The following MYO1D variants were observed in gnomAD, a reference collection of about 807,000 sequenced individuals.
MYO1D encodes unconventional myosin-Id.
A neutral mutation model predicts 122.0 loss-of-function variants in MYO1D; 83 were observed. That is an observed-to-expected ratio of 0.68 (90% CI 0.57 to 0.82). The LOEUF is 0.82. Ranked by LOEUF, MYO1D falls within the 40% of genes least tolerant of loss-of-function variation. The pLI is 0.00. For missense variants in MYO1D, 1,157 were observed against 1,269.5 expected (o/e 0.91, Z 1.35); for synonymous variants, 464 against 446.9 (o/e 1.04, Z -0.48).
At chr17:32,726,572 ATATATAT>A (rs2089576282) in intron 14 of MYO1D, among the ~76,000 whole-genome samples, 1 of 150,238 alleles carries the variant, frequency 6.7e-6, no homozygotes, top group African/African-American at 2.4e-5. Flanking sequence ...ATCTAAATAG[ATATATAT>A]TATATCTATA....
intron 1 of MYO1D, among the ~76,000 whole-genome samples, chr17:32,851,168 T>C (rs1412559009): frequency 3.3e-5 from 5 of 152,204 alleles, no homozygotes; most frequent in Non-Finnish European, 7.3e-5. Flanking sequence ...CTCAAGTCGA[T>C]GTTTCTACCA....
chr17:32,510,218 C>A (rs1473339567), intron 21 of MYO1D: 6 of 152,226 alleles, frequency 3.9e-5, no homozygotes, highest in African/African-American at 1.4e-4. Flanking sequence ...AAATGCTGTT[C>A]TAGCTCTTGC....
At chr17:32,547,615 T>C (rs2086975265) in intron 21 of MYO1D, among the ~76,000 whole-genome samples, 1 of 152,332 alleles carries the variant, frequency 6.6e-6, no homozygotes, top group Admixed American at 6.5e-5. Flanking sequence ...TCCCAAGTGA[T>C]TGTCTGATCT....
rs77160064 is a variant in MYO1D at position 32,628,167 on chromosome 17, G to A, written c.2709+10555C>T. On this transcript the variant is annotated intron_variant, in intron 20 of 21. Transcript: ENST00000318217. ...TTCAAATTCTGACCCTACTGTCCCT[G>A]TAAAAATTTTAACCTTTGTTAACAA... Among the ~76,000 whole-genome samples, 160 of 152,228 alleles carry A rather than the reference G, an allele frequency of 1.1e-3. 3 individuals are homozygous for A. The East Asian group carries it at 0.026, about 25-fold the overall frequency.
intron 16 of MYO1D, among the ~76,000 whole-genome samples, chr17:32,673,788 C>G (rs772102047): frequency 6.6e-6 from 1 of 152,202 alleles, no homozygotes; most frequent in Admixed American, 6.5e-5. Flanking sequence ...ACATTAGATG[C>G]TCATCGATAG....
chr17:32,564,093 G>A (rs187029603), intron 21 of MYO1D, among the ~76,000 whole-genome samples: 130 of 152,368 alleles, frequency 8.5e-4, no homozygotes, highest in African/African-American at 2.9e-3. Context: ...ATGTACAGAA[G>A]TATTTCTGCT....
At chr17:32,818,515 C>T (rs2090633366) in intron 1 of MYO1D, among the ~76,000 whole-genome samples, 1 of 152,330 alleles carries the variant, frequency 6.6e-6, no homozygotes, top group Middle Eastern at 3.4e-3. Context: ...ATGGGGCTTG[C>T]AAGTTCCCAT....
At chr17:32,510,351 C>T (rs891005705) in intron 21 of MYO1D, 1 of 152,244 alleles carries the variant, frequency 6.6e-6, no homozygotes, top group African/African-American at 2.4e-5. Flanking sequence ...AGCCCCTGAC[C>T]CCCTCCCTGC....
At chr17:32,695,468 C>T (rs1368909127) in intron 16 of MYO1D, among the ~76,000 whole-genome samples, 6 of 152,228 alleles carry the variant, frequency 3.9e-5, no homozygotes, top group Admixed American at 3.9e-4. Context: ...GCCATCCTTC[C>T]TTGTCTTATT....
intron 1 of MYO1D, among the ~76,000 whole-genome samples, chr17:32,804,046 C>G (rs2090485223): frequency 6.6e-6 from 1 of 152,140 alleles, no homozygotes; most frequent in Admixed American, 6.5e-5. Flanking sequence ...TTGATACCAG[C>G]AGAGGGTTGG....
intron 1 of MYO1D, among the ~76,000 whole-genome samples, chr17:32,855,786 C>G (rs1047570103): frequency 6.6e-6 from 1 of 152,188 alleles, no homozygotes; most frequent in Non-Finnish European, 1.5e-5. Flanking sequence ...GAGGTCACAA[C>G]AGAGTAAACA....
intron 16 of MYO1D, among the ~76,000 whole-genome samples, chr17:32,688,375 C>A (rs1002823914): frequency 6.6e-6 from 1 of 152,142 alleles, no homozygotes; most frequent in African/African-American, 2.4e-5. Context: ...AAACCTTACA[C>A]GAACGTAAAT....
chr17:32,631,676 TG>T (rs2088009074), intron 20 of MYO1D, among the ~76,000 whole-genome samples: 1 of 151,728 alleles, frequency 6.6e-6, no homozygotes, highest in African/African-American at 2.4e-5. Flanking sequence ...TCTGAACAAC[TG>T]GGGAAATTTA....
intron 16 of MYO1D, among the ~76,000 whole-genome samples, chr17:32,694,983 T>C (rs1333744574): frequency 6.6e-6 from 1 of 152,196 alleles, no homozygotes; most frequent in Non-Finnish European, 1.5e-5. Context: ...ATAACTATCA[T>C]AGTCTGCTAA....
chr17:32,831,372 A>G (rs892416181), intron 1 of MYO1D, among the ~76,000 whole-genome samples: 2 of 152,248 alleles, frequency 1.3e-5, no homozygotes, highest in Non-Finnish European at 2.9e-5. Context: ...CCCATTACTA[A>G]TAGCACTCAG....
At chr17:32,511,829 G>A (rs2150859747) in intron 21 of MYO1D, among the ~76,000 whole-genome samples, 1 of 152,162 alleles carries the variant, frequency 6.6e-6, no homozygotes, top group African/African-American at 2.4e-5. Context: ...TGTCGGGAAC[G>A]CCATTATATA....
intron 16 of MYO1D, among the ~76,000 whole-genome samples, chr17:32,695,251 C>T (rs115249906): frequency 0.026 from 3,954 of 152,306 alleles, 154 homozygotes; most frequent in African/African-American, 0.086. Context: ...CCCTTGCATG[C>T]GCAGTTCACC....
At chr17:32,677,579 A>G (rs2088834613) in intron 16 of MYO1D, among the ~76,000 whole-genome samples, 1 of 89,112 alleles carries the variant, frequency 1.1e-5, no homozygotes, top group Admixed American at 1.4e-4. Flanking sequence ...ATAGATAGAT[A>G]AATATATATA....
In MYO1D at chr17:32,560,553, A is replaced by C. The variant is rs1208697886; in HGVS notation, c.2864+44534T>G. Among the ~76,000 whole-genome samples, 841 of 125,238 alleles carry C rather than the reference A, an allele frequency of 6.7e-3. 67 individuals are homozygous for C. Among genetic ancestry groups the C allele is most frequent in the African/African-American group, 0.023 (801 of 34,732 alleles). 82.2% of individuals were successfully genotyped at this position (125,238 alleles called of 152,430 possible). A position where few individuals can be genotyped will look rare whatever the true frequency, so the allele number is the denominator to read the frequency against. On this transcript the variant is annotated intron_variant, in intron 21 of 21. Coordinates refer to ENST00000318217, the MANE Select transcript of MYO1D (RefSeq NM_015194.3). ...CATATATATATATATATATATATAT[A>C]TATATATATATATATATATATATAA...
Sources: gnomAD v4.1 joint callset for allele counts (sites outside exome capture counted in the v4.1 genomes callset) on GRCh38, gnomAD v4.1.1 for gene constraint, MANE v1.5 for transcripts, NCBI Gene and HGNC (gene_info 2026-07-23, HGNC 2026-07-21) for gene names.